The following XKR9 variants were observed in gnomAD, a reference collection of about 807,000 sequenced individuals.
XKR9 encodes XK-related protein 9.
XKR9 carries 32 observed loss-of-function variants against 32.0 expected under a neutral mutation model. That is an observed-to-expected ratio of 1.00 (90% CI 0.76 to 1.34). The LOEUF (loss-of-function observed/expected upper bound fraction) is 1.34, where lower values mean the gene tolerates loss of function less well. Among genes scored for constraint, XKR9 ranks in the 40% most tolerant of loss-of-function variants. The pLI is 0.00. For synonymous variants in XKR9, 168 were observed against 143.4 expected, an observed-to-expected ratio of 1.17 and a Z score of -1.22; for missense variants, 546 against 429.7, an observed-to-expected ratio of 1.27 and a Z score of -2.39.
chr8:70,891,700 T>C, the XKR9 span, among the ~76,000 whole-genome samples: 1 of 152,234 alleles, frequency 6.6e-6, no homozygotes, highest in East Asian at 1.9e-4. Context: ...TGGAGAATGT[T>C]CTATGTGCTG....
At chr8:70,866,144 G>A in the XKR9 span, among the ~76,000 whole-genome samples, 1 of 152,232 alleles carries the variant, frequency 6.6e-6, no homozygotes, top group African/African-American at 2.4e-5. Context: ...TTAATATATA[G>A]TCTCATTAAT....
chr8:70,908,700 A>G, the XKR9 span, among the ~76,000 whole-genome samples: 1 of 152,188 alleles, frequency 6.6e-6, no homozygotes, highest in South Asian at 2.1e-4. Flanking sequence ...ATTAAACTTT[A>G]TTTATGGACA....
At chr8:71,014,197 A>G in the XKR9 span, among the ~76,000 whole-genome samples, 2 of 152,198 alleles carry the variant, frequency 1.3e-5, no homozygotes, top group Non-Finnish European at 2.9e-5. Flanking sequence ...GCCTAAACCT[A>G]TTCTTGGTTG....
At chr8:70,980,199 CT>C in the XKR9 span, among the ~76,000 whole-genome samples, 2 of 152,238 alleles carry the variant, frequency 1.3e-5, no homozygotes, top group South Asian at 4.1e-4. Flanking sequence ...GGGAAATCCC[CT>C]GACCCCTTGT....
the XKR9 span, among the ~76,000 whole-genome samples, chr8:70,978,889 G>GT: frequency 6.6e-6 from 1 of 152,098 alleles, no homozygotes; most frequent in African/African-American, 2.4e-5. Flanking sequence ...GCATAGATTT[G>GT]TTTTTTTCCC....
intron 3 of XKR9, among the ~76,000 whole-genome samples, chr8:70,689,731 A>T (rs1337303126): frequency 2.0e-5 from 3 of 152,120 alleles, no homozygotes; most frequent in African/African-American, 7.2e-5. Context: ...AAATGAAAAG[A>T]TATCCAGGAC....
the XKR9 span, among the ~76,000 whole-genome samples, chr8:70,895,712 C>T: frequency 6.7e-6 from 1 of 149,160 alleles, no homozygotes; most frequent in Non-Finnish European, 1.5e-5. Flanking sequence ...AGGCTGTGTG[C>T]AATGGTTCAT....
intron 2 of XKR9, among the ~76,000 whole-genome samples, chr8:70,679,086 G>A (rs1331113510): frequency 1.3e-5 from 2 of 152,140 alleles, no homozygotes; most frequent in Non-Finnish European, 2.9e-5. Context: ...ACAGATGGCT[G>A]CCTTCTTGTG....
chr8:70,946,027 C>T, the XKR9 span, among the ~76,000 whole-genome samples: 1 of 151,986 alleles, frequency 6.6e-6, no homozygotes, highest in Non-Finnish European at 1.5e-5. Flanking sequence ...CCCAGCTACT[C>T]GGGAGGCTGA....
chr8:70,745,126 A>G lies in XKR9; in HGVS notation n.352+37973A>G, dbSNP rs899084017. 4.3e-5 allele frequency among the ~76,000 whole-genome samples: 6 copies of G among 138,086 alleles called. 1 individual carries two copies. Among genetic ancestry groups the G allele is most frequent in the African/African-American group, 1.3e-4 (5 of 38,108 alleles). The allele number at this position is 138,086 out of a possible 152,430, so 90.6% of individuals were successfully genotyped here. ...CAAACATAGATTAAGTATTCATTCCATCCAACAAACATTTTCTTATTGGTT... is the reference window on the plus strand; with the variant it reads ...CAAACATAGATTAAGTATTCATTCCGTCCAACAAACATTTTCTTATTGGTT... On this transcript the variant is annotated intron_variant and non_coding_transcript_variant, in intron 2 of 3. Coordinates refer to the XKR9 transcript ENST00000520273.
At chr8:71,027,434 AT>A in the XKR9 span, among the ~76,000 whole-genome samples, 2 of 148,014 alleles carry the variant, frequency 1.4e-5, no homozygotes, top group East Asian at 3.9e-4. Flanking sequence ...AATATATTTA[AT>A]AATACTAACT....
At chr8:70,983,609 C>T in the XKR9 span, among the ~76,000 whole-genome samples, 3 of 151,840 alleles carry the variant, frequency 2.0e-5, no homozygotes, top group African/African-American at 4.8e-5. Flanking sequence ...GGTGAAACCT[C>T]GTCTCTACTA....
At chr8:70,740,891 C>T (rs1436517057), downstream of XKR9, among the ~76,000 whole-genome samples, 1 of 152,172 alleles carries the variant, frequency 6.6e-6, no homozygotes, top group Non-Finnish European at 1.5e-5. Context: ...GGGTTGCCTC[C>T]CAGTTAGGCT....
chr8:70,769,335 G>C (rs1394236037), intron 2 of XKR9, among the ~76,000 whole-genome samples: 1 of 151,702 alleles, frequency 6.6e-6, no homozygotes, highest in East Asian at 1.9e-4. Context: ...TCCCTTTGTG[G>C]GTTATCTGAC....
the XKR9 span, among the ~76,000 whole-genome samples, chr8:70,813,743 A>G: frequency 1.3e-5 from 2 of 152,234 alleles, no homozygotes; most frequent in African/African-American, 2.4e-5. Flanking sequence ...CCGCAATGAG[A>G]TACCATCTCA....
chr8:70,920,650 T>A, the XKR9 span, among the ~76,000 whole-genome samples: 5 of 152,092 alleles, frequency 3.3e-5, no homozygotes, highest in Non-Finnish European at 5.9e-5. Context: ...TATCCTTTTC[T>A]ATGTTCCATG....
intron 2 of XKR9, among the ~76,000 whole-genome samples, chr8:70,748,803 G>A (rs977481607): frequency 6.6e-6 from 1 of 152,136 alleles, no homozygotes; most frequent in African/African-American, 2.4e-5. Flanking sequence ...CTTGCCCATG[G>A]CTGCCCATGG....
chr8:70,789,512 A>G (rs1040882750), intron 3 of XKR9: 1 of 152,080 alleles, frequency 6.6e-6, no homozygotes, highest in Non-Finnish European at 1.5e-5. Context: ...CTCTGTCTCA[A>G]TGCAGACACA....
chr8:70,714,155 T>C (rs1806012554), intron 4 of XKR9, among the ~76,000 whole-genome samples: 1 of 152,114 alleles, frequency 6.6e-6, no homozygotes, highest in Admixed American at 6.6e-5. Flanking sequence ...ACACTAGTCC[T>C]AATGGATTAG....
Sources: allele counts gnomAD v4.1 joint callset (sites outside exome capture counted in the v4.1 genomes callset), GRCh38; gene constraint gnomAD v4.1.1; transcripts MANE v1.5; gene names NCBI Gene and HGNC (gene_info 2026-07-23, HGNC 2026-07-21).